The following GNA14 variants were observed in gnomAD, a reference collection of about 807,000 sequenced individuals.
GNA14 encodes G protein subunit alpha 14.
Under a neutral mutation model 42.0 loss-of-function variants are expected in GNA14, and 50 were observed. That is an observed-to-expected ratio of 1.19 (90% confidence interval 0.95 to 1.51). GNA14 has a LOEUF of 1.51. GNA14 is among the 40% of genes most tolerant of loss of function. GNA14 has a pLI of 0.00. For missense variants in GNA14, 473 were observed against 446.2 expected, an observed-to-expected ratio of 1.06 and a Z score of -0.54; for synonymous variants, 173 against 163.1, an observed-to-expected ratio of 1.06 and a Z score of -0.46.
chr9:77,493,118 G>GCCA (rs1836813605), intron 2 of GNA14, among the ~76,000 whole-genome samples: 1 of 149,830 alleles, frequency 6.7e-6, no homozygotes, highest in South Asian at 2.1e-4. Context: ...GTGGTGGTGT[G>GCCA]GGTATGGGGG....
At chr9:77,537,834 G>A (rs2131774356) in intron 1 of GNA14, among the ~76,000 whole-genome samples, 1 of 152,206 alleles carries the variant, frequency 6.6e-6, no homozygotes, top group South Asian at 2.1e-4. Flanking sequence ...CAGTGATGTT[G>A]AACATTTTTT....
intron 1 of GNA14, among the ~76,000 whole-genome samples, chr9:77,602,189 G>T (rs769389250): frequency 6.6e-6 from 1 of 152,170 alleles, no homozygotes; most frequent in Admixed American, 6.5e-5. Context: ...GCTGACTGCC[G>T]TAAAGCTTGA....
chr9:77,603,634 G>A (rs1008126762), intron 1 of GNA14, among the ~76,000 whole-genome samples: 5 of 152,040 alleles, frequency 3.3e-5, no homozygotes, highest in Non-Finnish European at 5.9e-5. Flanking sequence ...ACTGAGAAGA[G>A]GAATCCAAGG....
At chr9:77,557,225 A>G (rs1238081512) in intron 1 of GNA14, among the ~76,000 whole-genome samples, 1 of 152,222 alleles carries the variant, frequency 6.6e-6, no homozygotes, top group Non-Finnish European at 1.5e-5. Context: ...AGAAGGGAGA[A>G]TGGGAGAAAG....
At chr9:77,544,739 T>G (rs1050509718) in intron 1 of GNA14, among the ~76,000 whole-genome samples, 1 of 150,980 alleles carries the variant, frequency 6.6e-6, no homozygotes, top group South Asian at 2.1e-4. Context: ...AGAGAATGAC[T>G]CATAATTGTT....
chr9:77,578,754 G>A lies in GNA14; in HGVS notation c.125-49501C>T, dbSNP rs763198352. On this transcript the variant is annotated intron_variant, in intron 1 of 6. Coordinates refer to ENST00000341700, the MANE Select transcript of GNA14 (RefSeq NM_004297.4). ...GTAGTTTGGTTGAAACCTCATTTCC[G>A]CACAAATTTTGTCCCTATGAAGAGG... Among the ~76,000 whole-genome samples, 7 of 152,012 alleles carry A rather than the reference G, an allele frequency of 4.6e-5. No individual in the cohort carries two copies. The South Asian group carries it at 8.3e-4, about 18-fold the overall frequency.
At chr9:77,559,042 C>T (rs1180297801) in intron 1 of GNA14, among the ~76,000 whole-genome samples, 1 of 151,956 alleles carries the variant, frequency 6.6e-6, no homozygotes, top group Non-Finnish European at 1.5e-5. Context: ...TTTTCCTCTT[C>T]CTTTTGAGCA....
intron 1 of GNA14, among the ~76,000 whole-genome samples, chr9:77,645,782 C>T (rs1824341899): frequency 6.6e-6 from 1 of 152,184 alleles, no homozygotes. Context: ...TACAAAGAGC[C>T]AGCATTTGTC....
intron 2 of GNA14, among the ~76,000 whole-genome samples, chr9:77,506,192 G>C (rs1252021894): frequency 6.6e-6 from 1 of 151,344 alleles, no homozygotes; most frequent in South Asian, 2.1e-4. Context: ...TGAGGTGGGA[G>C]GATTGCTTGA....
At position 77,647,890 on chromosome 9, in the gene GNA14, G is replaced by C; in HGVS notation, c.-97C>G. On this transcript the variant is annotated 5_prime_UTR_variant, in exon 1 of 7. Coordinates refer to ENST00000341700, the MANE Select transcript of GNA14 (RefSeq NM_004297.4). ...CCGGCCAGCATGCGACGGGCACAGG[G>C]GTGTGGAAAGAAAAGACGGGGGCCG... 1 of 1,420,442 alleles carries C rather than the reference G, an allele frequency of 7.0e-7. No homozygotes were observed. 88.0% of individuals were successfully genotyped at this position (1,420,442 alleles called of 1,614,324 possible).
chr9:77,613,770 T>C (rs1823768011), intron 1 of GNA14, among the ~76,000 whole-genome samples: 1 of 152,248 alleles, frequency 6.6e-6, no homozygotes, highest in African/African-American at 2.4e-5. Flanking sequence ...CATGAACTGA[T>C]GCAGGAAAAT....
chr9:77,525,659 C>A (rs1453857853), intron 2 of GNA14, among the ~76,000 whole-genome samples: 2 of 151,854 alleles, frequency 1.3e-5, no homozygotes, highest in African/African-American at 4.8e-5. Flanking sequence ...CTACCTCAGC[C>A]TCCCGAGTAG....
chr9:77,509,794 C>G (rs1295737735), intron 2 of GNA14, among the ~76,000 whole-genome samples: 1 of 152,146 alleles, frequency 6.6e-6, no homozygotes, highest in Non-Finnish European at 1.5e-5. Context: ...ACGGCAATTA[C>G]TTTTGCACCA....
chr9:77,532,435 G>A (rs1038718018), intron 1 of GNA14, among the ~76,000 whole-genome samples: 2 of 152,166 alleles, frequency 1.3e-5, no homozygotes, highest in Admixed American at 6.5e-5. Flanking sequence ...GTGAATGCAG[G>A]GGAAGGTAGA....
intron 2 of GNA14, among the ~76,000 whole-genome samples, chr9:77,444,490 C>T (rs548568086): frequency 1.3e-5 from 2 of 152,188 alleles, no homozygotes; most frequent in African/African-American, 4.8e-5. Context: ...CTTCATCCCC[C>T]CAGAATCCAC....
chr9:77,469,165 A>G (rs1484714157), intron 2 of GNA14, among the ~76,000 whole-genome samples: 1 of 151,906 alleles, frequency 6.6e-6, no homozygotes, highest in Non-Finnish European at 1.5e-5. Context: ...TCACCCCCAT[A>G]AGTACTATCA....
At chr9:77,490,681 G>C (rs947211653) in intron 2 of GNA14, among the ~76,000 whole-genome samples, 1 of 152,224 alleles carries the variant, frequency 6.6e-6, no homozygotes, top group Non-Finnish European at 1.5e-5. Context: ...TCCGAGTGCG[G>C]GGCCTGCCAA....
At chr9:77,458,813 T>C (rs1048072546) in intron 2 of GNA14, among the ~76,000 whole-genome samples, 6 of 151,788 alleles carry the variant, frequency 4.0e-5, no homozygotes, top group Non-Finnish European at 8.8e-5. Flanking sequence ...TCAGGGCCCA[T>C]TTATTCCTGA....
Position 77,529,139 on chromosome 9 carries a change from A to T in GNA14, c.239T>A (p.Phe80Tyr). 1 of 1,614,120 alleles carries T rather than the reference A, an allele frequency of 6.2e-7. No individual in the cohort carries two copies. Residue 80 changes from phenylalanine to tyrosine, a missense_variant, in exon 2 of 7, where the codon TTC becomes TAC. Phe to Tyr is a conservative substitution (Grantham distance 22). Transcript: ENST00000341700. ...GFTKLVYQNI[F>Y]TAMQAMIRAM... ...TCTGATCATGGCTTGCATGGCGGTGAATATGTTTTGGTAAACCAGCTTCGT... is the reference window on the plus strand; with the variant it reads ...TCTGATCATGGCTTGCATGGCGGTGTATATGTTTTGGTAAACCAGCTTCGT...
Sources: allele counts gnomAD v4.1 joint callset (sites outside exome capture counted in the v4.1 genomes callset), GRCh38; gene constraint gnomAD v4.1.1; transcripts MANE v1.5; gene names NCBI Gene and HGNC (gene_info 2026-07-23, HGNC 2026-07-21).